The following PRRT4 variants were observed in gnomAD, a reference collection of about 807,000 sequenced individuals.
PRRT4 encodes the protein proline-rich transmembrane protein 4.
A neutral mutation model predicts 55.6 loss-of-function variants in PRRT4; 59 were observed. That is an observed-to-expected ratio of 1.06 (90% CI 0.86 to 1.32). The LOEUF is 1.32. PRRT4 is among the 40% of genes most tolerant of loss of function. PRRT4 has a pLI of 0.00. For synonymous variants in PRRT4, 606 were observed against 601.8 expected, an observed-to-expected ratio of 1.01 and a Z score of -0.10; for missense variants, 1,217 against 1,222.0, an observed-to-expected ratio of 1.00 and a Z score of 0.06.
In PRRT4 at chr7:128,357,711, G is replaced by A. The variant is rs1287882313; in HGVS notation, c.877+970C>T. On this transcript the variant is annotated intron_variant, in intron 4 of 4. Coordinates refer to ENST00000535159, the Ensembl canonical transcript of PRRT4. ...GGTTTCCACTGCTGAGCCTAGTGAG[G>A]GGTGACTGAGAAGTTTCACAGCCAC... is the stretch of plus-strand genomic sequence containing the variant. 2.0e-5 allele frequency among the ~76,000 whole-genome samples: 3 copies of A among 152,162 alleles called. No individual in the cohort carries two copies. In the East Asian group the frequency reaches 5.8e-4, roughly 29 times the overall value.
chr7:128,351,153 G>C, exon 5 of PRRT4: 1 of 1,546,608 alleles, frequency 6.5e-7, no homozygotes, highest in Non-Finnish European at 8.7e-7. Context: ...AGCCAGATGA[G>C]ACGCTGCTGC....
chr7:128,351,854 C>T (rs1030703228), exon 5 of PRRT4: 1 of 1,346,218 alleles, frequency 7.4e-7, no homozygotes, highest in African/African-American at 1.5e-5. Context: ...CTCAGCAGCC[C>T]GAAGGTGCCC....
exon 5 of PRRT4, chr7:128,351,951 G>A: frequency 7.7e-7 from 1 of 1,295,704 alleles, no homozygotes; most frequent in Non-Finnish European, 9.7e-7. Flanking sequence ...TGGCGCCCTT[G>A]AAGCCCGACC....
chr7:128,357,191 G>A (rs1386724365), intron 4 of PRRT4, among the ~76,000 whole-genome samples: 3 of 145,294 alleles, frequency 2.1e-5, no homozygotes, highest in Non-Finnish European at 1.5e-5. Context: ...CCTTTGTATG[G>A]TAACTGCTTG....
At position 128,359,589 on chromosome 7, in the gene PRRT4, G is replaced by C. The variant is rs773833322; in HGVS notation, c.403C>G (p.Arg135Gly). 5.3e-6 allele frequency: 8 copies of C among 1,509,734 alleles called. No individual in the cohort carries two copies. Among genetic ancestry groups the C allele is most frequent in the Non-Finnish European group, 6.2e-6 (7 of 1,126,726 alleles). The allele number at this position is 1,509,734 out of a possible 1,614,324, so 93.5% of individuals were successfully genotyped here. A position where few individuals can be genotyped will look rare whatever the true frequency, so the allele number is the denominator to read the frequency against. ...GTGGGCCCATCGCTGGGCCCAGAGC[G>C]CCGGGATGTGGACTCCGGAAGCAGG... Residue 135 changes from arginine (R) to glycine (G), a missense_variant, in exon 2 of 5, where the codon CGC becomes GGC. Arg to Gly is a moderately radical substitution (Grantham distance 125, BLOSUM62 -2). This residue lies in a region of PRRT4 where 564 missense variants were observed against 592.9 expected (regional missense o/e 0.95). Coordinates refer to ENST00000535159, the Ensembl canonical transcript of PRRT4.
Position 128,358,692 on chromosome 7 carries a change from G to T in PRRT4, c.866C>A (p.Thr289Lys). 2 of 1,551,718 alleles carry T rather than the reference G, an allele frequency of 1.3e-6. No homozygotes were observed. Among genetic ancestry groups the T allele is most frequent in the South Asian group, 2.4e-5 (2 of 84,060 alleles). The change falls in exon 4 of 5, where the codon ACA (threonine) becomes AAA (lysine). Residue 289 changes from threonine (T) to lysine (K), a missense_variant. Coordinates refer to ENST00000535159, the Ensembl canonical transcript of PRRT4. The surrounding 1 kb of genome is among the most constrained non-coding windows in gnomAD (Gnocchi z 4.4). ...AATTGGATACTTACCTAATGATGTTGTTGCAATCGAGGCAAAACTTAGGGA... is the reference window on the plus strand; with the variant it reads ...AATTGGATACTTACCTAATGATGTTTTTGCAATCGAGGCAAAACTTAGGGA...
chr7:128,352,009 A>G, exon 5 of PRRT4: 1 of 1,313,770 alleles, frequency 7.6e-7, no homozygotes, highest in African/African-American at 1.5e-5. Context: ...CCAGCAGGAG[A>G]GCGCCAGCAG....
Position 128,357,232 on chromosome 7 carries a change from A to T in PRRT4, c.877+1449T>A, listed in dbSNP as rs1222077577. ...AATACACACACACACACACACACAC[A>T]CACACTCTCTCTCTCTCTCTCTCTC... On this transcript the variant is annotated intron_variant, in intron 4 of 4. Transcript: ENST00000535159. Among the ~76,000 whole-genome samples, 76 of 121,628 alleles carry T rather than the reference A, an allele frequency of 6.2e-4. 1 individual carries two copies. Among genetic ancestry groups the T allele is most frequent in the African/African-American group, 2.5e-3 (76 of 30,222 alleles). 79.8% of individuals were successfully genotyped at this position (121,628 alleles called of 152,430 possible). A position where few individuals can be genotyped will look rare whatever the true frequency, so the allele number is the denominator to read the frequency against.
Position 128,352,445 on chromosome 7 carries a change from CTACCCCG to C in PRRT4, c.1104_1110del (p.Tyr368Ter). The C allele has an allele frequency of 6.5e-7, 1 of 1,538,754 alleles. No individual in the cohort carries two copies. The highest frequency in any genetic ancestry group is 8.7e-7 in the Non-Finnish European group (1 of 1,146,490). ...AAGGCAACCAGGCCGAAGAGCGCGC[CTACCCCG>C]TACACGTGGGCCTCCCAGGCCAGCC... On this transcript the variant is annotated frameshift_variant, in exon 5 of 5. Transcript: ENST00000535159. LOFTEE classifies it high-confidence loss of function.
At position 128,357,625 on chromosome 7, in the gene PRRT4, G is replaced by A. The variant is rs1205892056; in HGVS notation, c.877+1056C>T. On this transcript the variant is annotated intron_variant, in intron 4 of 4. Transcript: ENST00000535159. ...AGGGAGTGCAGTGACTGTGGCTGGA[G>A]TGAGCCAGAGAACCAGGTCATGGGT... Among the ~76,000 whole-genome samples, 5 of 152,246 alleles carry A rather than the reference G, an allele frequency of 3.3e-5. No individual in the cohort carries two copies. The East Asian group carries it at 9.6e-4, about 29-fold the overall frequency.
chr7:128,358,620 G>T lies in PRRT4; in HGVS notation c.877+61C>A. The T allele has an allele frequency of 1.4e-6, 2 of 1,412,576 alleles. No individual in the cohort carries two copies. The highest frequency in any genetic ancestry group is 2.0e-5 in the Admixed American group (1 of 50,578). 87.5% of individuals were successfully genotyped at this position (1,412,576 alleles called of 1,614,324 possible). A position where few individuals can be genotyped will look rare whatever the true frequency, so the allele number is the denominator to read the frequency against. On this transcript the variant is annotated intron_variant, in intron 4 of 4. Coordinates refer to ENST00000535159, the Ensembl canonical transcript of PRRT4. The surrounding 1 kb of genome is among the most constrained non-coding windows in gnomAD (Gnocchi z 4.4). ...AAAGGGTCCCAGAACACTGATGAGT[G>T]ACTAGCATGTAGTAAGTGCTCAATA...
At chr7:128,350,479 T>C, downstream of PRRT4, 1 of 125,600 alleles carries the variant, frequency 8.0e-6, no homozygotes, top group Non-Finnish European at 1.5e-5. Flanking sequence ...ATGGCAGAGG[T>C]GGGTAGGGGG....
At chr7:128,354,101 G>A (rs905739178) in intron 4 of PRRT4, among the ~76,000 whole-genome samples, 1 of 152,138 alleles carries the variant, frequency 6.6e-6, no homozygotes, top group Non-Finnish European at 1.5e-5. Flanking sequence ...AGCCTGGCAG[G>A]GATGGATAGG....
intron 4 of PRRT4, 105 bp from the exon 6 acceptor site, chr7:128,352,783 G>A: frequency 8.7e-7 from 1 of 1,151,950 alleles, no homozygotes; most frequent in Non-Finnish European, 1.2e-6. Context: ...CCGTATCCAG[G>A]ACACACTTGT....
At chr7:128,353,067 G>A (rs181321728) in intron 4 of PRRT4, among the ~76,000 whole-genome samples, 1 of 152,142 alleles carries the variant, frequency 6.6e-6, no homozygotes, top group East Asian at 1.9e-4. Flanking sequence ...TTATGAGAAC[G>A]GGGATTTTTG....
chr7:128,351,687 C>T (rs996862740), exon 5 of PRRT4: 54 of 1,508,672 alleles, frequency 3.6e-5, no homozygotes, highest in Non-Finnish European at 4.6e-5. Context: ...GACTGCAGAG[C>T]GCCGGGTAGA....
exon 5 of PRRT4, chr7:128,351,234 A>T: frequency 6.5e-7 from 1 of 1,539,796 alleles, no homozygotes; most frequent in Non-Finnish European, 8.7e-7. Flanking sequence ...CTGATCTCTC[A>T]CTGGCCCTGC....
Position 128,351,509 on chromosome 7 carries a change from G to T in PRRT4, c.2047C>A (p.Pro683Thr), listed in dbSNP as rs1174977040. The T allele has an allele frequency of 1.1e-5, 17 of 1,499,460 alleles. No homozygotes were observed. The highest frequency in any genetic ancestry group is 1.4e-5 in the Non-Finnish European group (16 of 1,127,092). 92.9% of individuals were successfully genotyped at this position (1,499,460 alleles called of 1,614,324 possible). Residue 683 changes from proline to threonine, a missense_variant, in exon 5 of 5, where the codon CCA becomes ACA. Physicochemically the swap from Pro to Thr is conservative, Grantham distance 38 (BLOSUM62 -1). This residue lies in a region of PRRT4 where 642 missense variants were observed against 600.9 expected (regional missense o/e 1.07). Transcript: ENST00000535159. ...CCCTGGAGTAGGAGGTCTGGGCCTG[G>T]CCCTGCCAGCGCGCACAGCTGCAGC...
At chr7:128,360,319 G>A (rs528271960) in intron 1 of PRRT4, among the ~76,000 whole-genome samples, 1 of 152,156 alleles carries the variant, frequency 6.6e-6, no homozygotes, top group East Asian at 1.9e-4. Flanking sequence ...GCAACCAGGG[G>A]CCCTCATCCT....
Sources: gnomAD v4.1 joint callset for allele counts (sites outside exome capture counted in the v4.1 genomes callset) on GRCh38, gnomAD v4.1.1 for gene constraint, gnomAD v4.1.1 regional missense constraint, Gnocchi (gnomAD v3.1) non-coding constraint, MANE v1.5 for transcripts, NCBI Gene and HGNC (gene_info 2026-07-23, HGNC 2026-07-21) for gene names.